KATNBL1: variants seen among roughly 807,000 people sequenced by gnomAD.
KATNBL1 encodes KATNB1-like protein 1.
In KATNBL1, 28 loss-of-function variants were observed where a neutral mutation model predicts 44.7. The ratio of observed to expected loss-of-function variants is 0.63; its 90% CI spans 0.46 to 0.86. The LOEUF is 0.86. KATNBL1 is among the 40% of genes least tolerant of loss of function. The pLI is 0.00. For missense variants in KATNBL1, 272 were observed against 350.7 expected (o/e 0.78, Z 1.79); for synonymous variants, 78 against 114.9 (o/e 0.68, Z 2.06).
At chr15:34,176,239 G>A (rs149761348) in intron 1 of KATNBL1, among the ~76,000 whole-genome samples, 31 of 151,978 alleles carry the variant, frequency 2.0e-4, no homozygotes, top group Admixed American at 5.2e-4. Context: ...TAAGCTGGGC[G>A]TGGTGGCAGG....
At chr15:34,164,036 G>T (rs182574707) in intron 1 of KATNBL1, among the ~76,000 whole-genome samples, 2 of 152,128 alleles carry the variant, frequency 1.3e-5, no homozygotes, top group South Asian at 4.2e-4. Context: ...GGGATTATAG[G>T]CTTGTGCCAC....
At chr15:34,194,149 C>T (rs906234508) in intron 1 of KATNBL1, among the ~76,000 whole-genome samples, 1 of 152,082 alleles carries the variant, frequency 6.6e-6, no homozygotes, top group Non-Finnish European at 1.5e-5. Flanking sequence ...TCCATATTGG[C>T]CAGGCTGGTC....
intron 1 of KATNBL1, among the ~76,000 whole-genome samples, chr15:34,173,610 A>T (rs1415024225): frequency 6.6e-6 from 1 of 152,186 alleles, no homozygotes; most frequent in Non-Finnish European, 1.5e-5. Context: ...GGTATTTCCC[A>T]GGATGATTAT....
intron 1 of KATNBL1, among the ~76,000 whole-genome samples, chr15:34,186,291 C>T (rs1326740360): frequency 1.3e-5 from 2 of 152,162 alleles, no homozygotes; most frequent in Non-Finnish European, 2.9e-5. Context: ...GAGCCCCGCC[C>T]CTTCTGAGTT....
chr15:34,199,334 G>T lies in KATNBL1; in HGVS notation c.-15+10617C>A, dbSNP rs564034592. Among the ~76,000 whole-genome samples, 8 of 152,292 alleles carry T rather than the reference G, an allele frequency of 5.3e-5. No individual in the cohort carries two copies. The South Asian group carries it at 1.7e-3, about 32-fold the overall frequency. On this transcript the variant is annotated intron_variant, in intron 1 of 9. Coordinates refer to ENST00000256544, the MANE Select transcript of KATNBL1 (RefSeq NM_024713.3). ...AGCCTCGAGTCCCAGCTACTCTGGA[G>T]GCTAAGGCAGGAGAATCTCTTGAAC...
chr15:34,147,877 T>C (rs1888357794), intron 5 of KATNBL1, among the ~76,000 whole-genome samples: 2 of 152,216 alleles, frequency 1.3e-5, no homozygotes, highest in African/African-American at 4.8e-5. Flanking sequence ...TTAGTAATTT[T>C]TTTTTTAAGA....
At chr15:34,150,316 C>T (rs779918439) in intron 4 of KATNBL1, among the ~76,000 whole-genome samples, 1 of 152,168 alleles carries the variant, frequency 6.6e-6, no homozygotes, top group Non-Finnish European at 1.5e-5. Flanking sequence ...TCTGGCCAGG[C>T]ACAGTGGCTC....
chr15:34,170,162 G>A (rs1014672968), intron 1 of KATNBL1, among the ~76,000 whole-genome samples: 1 of 152,192 alleles, frequency 6.6e-6, no homozygotes, highest in African/African-American at 2.4e-5. Context: ...CCTGTTTGCA[G>A]ATGACATGAT....
intron 1 of KATNBL1, among the ~76,000 whole-genome samples, chr15:34,187,947 T>C (rs1211894434): frequency 6.6e-6 from 1 of 151,508 alleles, no homozygotes; most frequent in Admixed American, 6.6e-5. Flanking sequence ...GAGACCAGCC[T>C]GGCCAACATG....
At chr15:34,170,668 TG>T (rs1567526909) in intron 1 of KATNBL1, among the ~76,000 whole-genome samples, 1 of 152,144 alleles carries the variant, frequency 6.6e-6, no homozygotes, top group East Asian at 1.9e-4. Flanking sequence ...GGAGGCATCA[TG>T]CTACCTGACT....
At chr15:34,200,415 G>A (rs1020878553) in intron 1 of KATNBL1, among the ~76,000 whole-genome samples, 18 of 116,258 alleles carry the variant, frequency 1.5e-4, no homozygotes, top group African/African-American at 4.3e-4. Flanking sequence ...ACCACGCCCA[G>A]CTAATTGTTT....
At chr15:34,152,131 G>C (rs770224029) in intron 4 of KATNBL1, among the ~76,000 whole-genome samples, 31 of 151,602 alleles carry the variant, frequency 2.0e-4, no homozygotes, top group Non-Finnish European at 4.0e-4. Context: ...GTAGAGACAG[G>C]GTGTTTCACC....
chr15:34,150,729 T>C (rs146334792), intron 4 of KATNBL1, among the ~76,000 whole-genome samples: 69 of 152,314 alleles, frequency 4.5e-4, no homozygotes, highest in Non-Finnish European at 7.5e-4. Flanking sequence ...TAGTAACTGA[T>C]AAGTAGTTTT....
chr15:34,207,976 T>C (rs1890338167), intron 1 of KATNBL1, among the ~76,000 whole-genome samples: 2 of 152,240 alleles, frequency 1.3e-5, no homozygotes, highest in Admixed American at 1.3e-4. Context: ...AGTTCAGTTC[T>C]GCATTCATCC....
At chr15:34,154,557 A>AT in intron 3 of KATNBL1, 87 bp downstream of exon 3, 1 of 822,608 alleles carries the variant, frequency 1.2e-6, no homozygotes, top group Non-Finnish European at 2.1e-6. Context: ...TATTATTATG[A>AT]TAAAAGAATG....
chr15:34,206,789 C>G (rs1237167963), intron 1 of KATNBL1, among the ~76,000 whole-genome samples: 2 of 146,630 alleles, frequency 1.4e-5, no homozygotes. Context: ...AAGACTCCGT[C>G]TCAAAAAAAA....
At chr15:34,143,987 A>AC (rs1414586502) in intron 9 of KATNBL1, among the ~76,000 whole-genome samples, 1 of 150,448 alleles carries the variant, frequency 6.6e-6, no homozygotes, top group African/African-American at 2.4e-5. Flanking sequence ...AAAAAAAAAA[A>AC]AGAATTCTAT....
intron 2 of KATNBL1, among the ~76,000 whole-genome samples, chr15:34,158,647 T>C (rs183048563): frequency 8.5e-5 from 13 of 152,266 alleles, no homozygotes; most frequent in Admixed American, 7.2e-4. Context: ...AGGTGTGAGC[T>C]ACCCAGAAGG....
chr15:34,176,202 C>G (rs1292752663), intron 1 of KATNBL1, among the ~76,000 whole-genome samples: 1 of 151,868 alleles, frequency 6.6e-6, no homozygotes, highest in Admixed American at 6.6e-5. Flanking sequence ...TGGTGAAACC[C>G]CGTCTCAACT....
Sources: allele counts gnomAD v4.1 joint callset (sites outside exome capture counted in the v4.1 genomes callset), GRCh38; gene constraint gnomAD v4.1.1; transcripts MANE v1.5; gene names NCBI Gene and HGNC (gene_info 2026-07-23, HGNC 2026-07-21).